N4BP2L2: variants seen among roughly 807,000 people sequenced by gnomAD.
N4BP2L2 encodes NEDD4-binding protein 2-like 2.
Under a neutral mutation model 56.2 loss-of-function variants are expected in N4BP2L2, and 50 were observed. The ratio of observed to expected loss-of-function variants is 0.89; its 90% CI spans 0.71 to 1.13. N4BP2L2 has a LOEUF of 1.13. Among genes scored for constraint, N4BP2L2 ranks in the 50% most tolerant of loss-of-function variants. The pLI is 0.00. For missense variants in N4BP2L2, 689 were observed against 693.8 expected (o/e 0.99, Z 0.08); for synonymous variants, 203 against 223.6 (o/e 0.91, Z 0.82).
At chr13:32,470,579 G>A (rs1053738506) in intron 6 of N4BP2L2, among the ~76,000 whole-genome samples, 1 of 152,158 alleles carries the variant, frequency 6.6e-6, no homozygotes, top group Non-Finnish European at 1.5e-5. Flanking sequence ...GAAGGGAGCT[G>A]AGCTCTCATA....
intron 6 of N4BP2L2, among the ~76,000 whole-genome samples, chr13:32,456,840 AAAAT>A (rs2079061718): frequency 1.3e-5 from 2 of 152,224 alleles, no homozygotes; most frequent in African/African-American, 2.4e-5. Context: ...ACAAAGTTAA[AAAAT>A]AAATATATAT....
chr13:32,452,397 T>C (rs2078247156), intron 6 of N4BP2L2, among the ~76,000 whole-genome samples: 1 of 152,270 alleles, frequency 6.6e-6, no homozygotes, highest in East Asian at 1.9e-4. Context: ...CTAACATAGA[T>C]TGATAGAGCC....
At chr13:32,486,239 T>C in intron 6 of N4BP2L2, among the ~76,000 whole-genome samples, 1 of 152,142 alleles carries the variant, frequency 6.6e-6, no homozygotes, top group Non-Finnish European at 1.5e-5. Context: ...ACCATTTCTA[T>C]TCAACATTAC....
intron 2 of N4BP2L2, among the ~76,000 whole-genome samples, chr13:32,528,048 G>A (rs2053589777): frequency 6.6e-6 from 1 of 152,174 alleles, no homozygotes; most frequent in Non-Finnish European, 1.5e-5. Flanking sequence ...GGGATTACAG[G>A]CATGAGCCAC....
chr13:32,494,339 C>T (rs1435710674), intron 6 of N4BP2L2, among the ~76,000 whole-genome samples: 1 of 151,952 alleles, frequency 6.6e-6, no homozygotes, highest in Non-Finnish European at 1.5e-5. Flanking sequence ...CTGTAAATCC[C>T]TTTTAGCCCT....
At chr13:32,489,896 T>C (rs538961762) in intron 6 of N4BP2L2, among the ~76,000 whole-genome samples, 1 of 152,284 alleles carries the variant, frequency 6.6e-6, no homozygotes, top group South Asian at 2.1e-4. Flanking sequence ...TATGTTATCA[T>C]ATAATAAACA....
exon 2 of N4BP2L2, chr13:32,536,241 A>T: frequency 1.2e-6 from 2 of 1,613,798 alleles, no homozygotes; most frequent in East Asian, 2.2e-5. Flanking sequence ...GGCCTGAAAG[A>T]AGTAAATGAA....
chr13:32,492,124 TACGTA>T (rs1249034592), intron 6 of N4BP2L2, among the ~76,000 whole-genome samples: 1 of 152,154 alleles, frequency 6.6e-6, no homozygotes, highest in Admixed American at 6.6e-5. Context: ...AATGTTATAT[TACGTA>T]ACTTGTTTAA....
chr13:32,473,956 T>C (rs2082776559), intron 6 of N4BP2L2, among the ~76,000 whole-genome samples: 1 of 152,218 alleles, frequency 6.6e-6, no homozygotes, highest in African/African-American at 2.4e-5. Flanking sequence ...TGGCTACCTT[T>C]GGGTACAGGG....
intron 6 of N4BP2L2, among the ~76,000 whole-genome samples, chr13:32,455,603 C>T (rs1008267202): frequency 1.3e-5 from 2 of 152,218 alleles, no homozygotes; most frequent in African/African-American, 2.4e-5. Context: ...TTGCAACCAC[C>T]TAAGCATTCC....
rs369328452 is a variant in N4BP2L2 at position 32,434,248 on chromosome 13, C to CTT, written c.*22-1278_*22-1277dup. Among the ~76,000 whole-genome samples the CTT allele has an allele frequency of 6.7e-3, 749 of 111,980 alleles. 31 individuals are homozygous for CTT. The highest frequency in any genetic ancestry group is 0.017 in the South Asian group (52 of 3,002). The allele number at this position is 111,980 out of a possible 152,430, so 73.5% of individuals were successfully genotyped here. On this transcript the variant is annotated intron_variant, in intron 9 of 9. Coordinates refer to the N4BP2L2 transcript ENST00000357505. ...TGTGCCACCACATTCAGCTAATTTT[C>CTT]TTTTTTTCTTTTTTTTTTTTTTGTA...
exon 6 of N4BP2L2, chr13:32,513,067 CA>C (rs1161801610): frequency 2.0e-5 from 3 of 152,030 alleles, no homozygotes; most frequent in Non-Finnish European, 4.4e-5. Flanking sequence ...GGAGATCTTC[CA>C]AATTACTGCT....
At chr13:32,486,677 A>AAATAAT (rs561649707) in intron 6 of N4BP2L2, among the ~76,000 whole-genome samples, 2,719 of 151,172 alleles carry the variant, frequency 0.018, 70 homozygotes, top group African/African-American at 0.063. Context: ...CTTCATCTCA[A>AAATAAT]AATAATAATA....
intron 6 of N4BP2L2, among the ~76,000 whole-genome samples, chr13:32,446,727 T>C (rs1171613875): frequency 6.6e-6 from 1 of 152,134 alleles, no homozygotes; most frequent in Non-Finnish European, 1.5e-5. Context: ...TATAATTCCA[T>C]ATACCAGCAG....
chr13:32,499,345 G>T (rs2089508171), intron 6 of N4BP2L2, among the ~76,000 whole-genome samples: 1 of 152,136 alleles, frequency 6.6e-6, no homozygotes, highest in Non-Finnish European at 1.5e-5. Flanking sequence ...TTCATCCCTA[G>T]TAACTATGGC....
At chr13:32,442,498 T>C (rs769071075) in exon 7 of N4BP2L2, 38 of 1,613,838 alleles carry the variant, frequency 2.4e-5, no homozygotes, top group Non-Finnish European at 3.1e-5. Flanking sequence ...TTGGCTGTCC[T>C]CAGCTGGTAA....
intron 2 of N4BP2L2, among the ~76,000 whole-genome samples, chr13:32,533,958 C>T (rs1034297352): frequency 3.3e-5 from 5 of 152,124 alleles, no homozygotes; most frequent in Non-Finnish European, 7.4e-5. Flanking sequence ...TCAGGAGTCA[C>T]GTATAAGACT....
intron 8 of N4BP2L2, among the ~76,000 whole-genome samples, chr13:32,437,583 C>T (rs1426735069): frequency 6.6e-6 from 1 of 152,216 alleles, no homozygotes; most frequent in Non-Finnish European, 1.5e-5. Context: ...AGCCAGTCCT[C>T]CTCCAGCTAC....
chr13:32,490,417 G>A (rs1305251878), intron 6 of N4BP2L2, among the ~76,000 whole-genome samples: 1 of 152,062 alleles, frequency 6.6e-6, no homozygotes, highest in Admixed American at 6.6e-5. Context: ...CAATTCTCCT[G>A]CCTCAGCCTC....
Sources: allele counts gnomAD v4.1 joint callset (sites outside exome capture counted in the v4.1 genomes callset), GRCh38; gene constraint gnomAD v4.1.1; transcripts MANE v1.5; gene names NCBI Gene and HGNC (gene_info 2026-07-23, HGNC 2026-07-21).